Variants in WWOX observed in about 807,000 individuals in gnomAD.
WWOX encodes WW domain containing oxidoreductase, also known as WW domain-containing oxidoreductase.
A neutral mutation model predicts 46.2 loss-of-function variants in WWOX; 69 were observed. The observed-to-expected ratio is 1.49, with a 90% confidence interval of 1.23 to 1.82. The LOEUF is 1.82. WWOX is among the 40% of genes most tolerant of loss of function. The pLI is 0.00. For missense variants in WWOX, 919 were observed against 542.6 expected, an observed-to-expected ratio of 1.69 and a Z score of -6.89; for synonymous variants, 359 against 202.6, an observed-to-expected ratio of 1.77 and a Z score of -6.56.
chr16:78,956,708 C>G (rs2046174296), intron 8 of WWOX, among the ~76,000 whole-genome samples: 1 of 152,070 alleles, frequency 6.6e-6, no homozygotes. Flanking sequence ...ATCAAAAATT[C>G]CTTTTGTGTT....
At chr16:78,891,038 A>G (rs934901256) in intron 8 of WWOX, 7 of 152,186 alleles carry the variant, frequency 4.6e-5, no homozygotes, top group African/African-American at 1.4e-4. Flanking sequence ...AAATCCCTCA[A>G]TATGATGGCT....
Position 78,559,123 on chromosome 16 carries a change from G to C in WWOX, c.1056+126371G>C, listed in dbSNP as rs534783939. 2.6e-5 allele frequency among the ~76,000 whole-genome samples: 4 copies of C among 152,328 alleles called. No homozygotes were observed. The East Asian group carries it at 5.8e-4, about 22-fold the overall frequency. On this transcript the variant is annotated intron_variant, in intron 8 of 8. Transcript: ENST00000566780. ...GACAGTAGTGGGGAAGGGTGAGCTTGGAGATAGAGCTGACCTTCCCAGGTG... is the reference window on the plus strand; with the variant it reads ...GACAGTAGTGGGGAAGGGTGAGCTTCGAGATAGAGCTGACCTTCCCAGGTG...
intron 5 of WWOX, among the ~76,000 whole-genome samples, chr16:78,314,688 G>GGTTT (rs1555517825): frequency 3.1e-4 from 28 of 90,484 alleles, no homozygotes; most frequent in East Asian, 2.5e-3. Flanking sequence ...CCCTGCAGGG[G>GGTTT]TTTTTTTTTT....
At chr16:78,712,807 T>A (rs1191183582) in intron 8 of WWOX, among the ~76,000 whole-genome samples, 1 of 152,032 alleles carries the variant, frequency 6.6e-6, no homozygotes, top group Non-Finnish European at 1.5e-5. Context: ...ACTGTTAGAG[T>A]AATAGCGTAA....
chr16:78,910,617 C>A (rs938281908), intron 8 of WWOX, among the ~76,000 whole-genome samples: 9 of 151,794 alleles, frequency 5.9e-5, no homozygotes, highest in African/African-American at 2.2e-4. Context: ...AATGGACTCA[C>A]AATTCCACAT....
chr16:79,051,042 T>G (rs2048157140), intron 8 of WWOX, among the ~76,000 whole-genome samples: 2 of 152,308 alleles, frequency 1.3e-5, no homozygotes, highest in Admixed American at 1.3e-4. Flanking sequence ...TATAGCAGGA[T>G]TATTCCCAAG....
chr16:78,355,972 G>C (rs1326211002), intron 5 of WWOX: 1 of 176,650 alleles, frequency 5.7e-6, no homozygotes, highest in Non-Finnish European at 1.2e-5. Context: ...CTCCTGAAAT[G>C]AGTTGATTTG....
intron 8 of WWOX, among the ~76,000 whole-genome samples, chr16:78,622,983 A>T (rs2046225789): frequency 6.6e-6 from 1 of 152,080 alleles, no homozygotes; most frequent in African/African-American, 2.4e-5. Flanking sequence ...AGAGTGCCCT[A>T]AGGAAGCCAG....
In WWOX at chr16:78,731,035, C is replaced by T. The variant is rs534623316; in HGVS notation, c.1056+298283C>T. Reference sequence around the variant, plus strand: ...ATATTGATGTTACCGTACTATCCAACACATTATGTTTAGTGTTGATTTAAG... The same window carrying T: ...ATATTGATGTTACCGTACTATCCAATACATTATGTTTAGTGTTGATTTAAG... On this transcript the variant is annotated intron_variant, in intron 8 of 8. Transcript: ENST00000566780. Among the ~76,000 whole-genome samples the T allele has an allele frequency of 1.4e-4, 21 of 152,236 alleles. No homozygotes were observed. In the East Asian group the frequency reaches 1.7e-3, roughly 13 times the overall value.
intron 8 of WWOX, among the ~76,000 whole-genome samples, chr16:78,540,014 TCTCTCTCACACACA>T (rs1220135969): frequency 1.6e-3 from 210 of 127,584 alleles, no homozygotes; most frequent in African/African-American, 5.7e-3. Context: ...TCTCTCTCTC[TCTCTCTCACACACA>T]CACACACACA....
intron 6 of WWOX, among the ~76,000 whole-genome samples, chr16:78,411,341 G>T (rs1368885347): frequency 6.6e-6 from 1 of 152,078 alleles, no homozygotes. Context: ...ATTGCTAATG[G>T]ATTTTAAAGA....
In WWOX at chr16:79,175,697, G is replaced by C. The variant is rs62040689; in HGVS notation, c.1057-35911G>C. 2.0e-3 allele frequency among the ~76,000 whole-genome samples: 303 copies of C among 152,274 alleles called. 1 individual carries two copies. The highest frequency in any genetic ancestry group is 3.3e-3 in the Non-Finnish European group (223 of 68,022). On this transcript the variant is annotated intron_variant, in intron 8 of 8. Transcript: ENST00000566780. ...GTTAGCATTAGAGGCAGGCCTGTGT[G>C]CCTGTTCTGTGTCCTGGCACCGATG...
intron 8 of WWOX, among the ~76,000 whole-genome samples, chr16:78,693,517 T>G (rs927374175): frequency 6.6e-6 from 1 of 152,164 alleles, no homozygotes; most frequent in African/African-American, 2.4e-5. Flanking sequence ...GAAATAATTA[T>G]GTTTGTTTAA....
At chr16:78,578,284 A>ATATATATATATATATATTTTTT (rs1555567122) in intron 8 of WWOX, among the ~76,000 whole-genome samples, 2 of 20,838 alleles carry the variant, frequency 9.6e-5, no homozygotes, top group East Asian at 1.3e-3. Context: ...ATATATATAT[A>ATATATATATATATATATTTTTT]TTTTTTTTTT....
rs554657541 is a variant in WWOX at position 78,592,467 on chromosome 16, A to C, written c.1056+159715A>C. ...AGTGTGATGAGAATGGAAACATTCC[A>C]TAGGACGCAGAGTTATTCCTCAAGC... On this transcript the variant is annotated intron_variant, in intron 8 of 8. Transcript: ENST00000566780. Among the ~76,000 whole-genome samples the C allele has an allele frequency of 1.3e-3, 202 of 152,344 alleles. 2 individuals carry two copies. The highest frequency in any genetic ancestry group is 4.7e-3 in the African/African-American group (197 of 41,578).
intron 8 of WWOX, among the ~76,000 whole-genome samples, chr16:78,965,688 G>A (rs1010407314): frequency 2.0e-5 from 3 of 152,022 alleles, no homozygotes; most frequent in African/African-American, 4.8e-5. Flanking sequence ...TTCTGTCGTC[G>A]TCATTTTTTT....
At chr16:78,946,544 C>T (rs553827020) in intron 8 of WWOX, among the ~76,000 whole-genome samples, 3 of 152,194 alleles carry the variant, frequency 2.0e-5, no homozygotes, top group African/African-American at 7.2e-5. Context: ...ACAAAATGAC[C>T]AAACCAGTCT....
chr16:79,070,376 GT>G (rs2048527311), intron 8 of WWOX, among the ~76,000 whole-genome samples: 1 of 152,008 alleles, frequency 6.6e-6, no homozygotes, highest in African/African-American at 2.4e-5. Flanking sequence ...TGCTTTTAAA[GT>G]GTCCTCCAGC....
At chr16:79,103,970 T>A (rs2049254410) in intron 8 of WWOX, among the ~76,000 whole-genome samples, 1 of 139,900 alleles carries the variant, frequency 7.1e-6, no homozygotes, top group South Asian at 2.3e-4. Context: ...ATGGGGAGAT[T>A]TATGTACTAT....
Sources: gnomAD v4.1 joint callset for allele counts (sites outside exome capture counted in the v4.1 genomes callset) on GRCh38, gnomAD v4.1.1 for gene constraint, MANE v1.5 for transcripts, NCBI Gene and HGNC (gene_info 2026-07-23, HGNC 2026-07-21) for gene names.